Variants in RABGEF1 observed in about 807,000 individuals in gnomAD.
RABGEF1 encodes RAB guanine nucleotide exchange factor 1, also known as rab5 GDP/GTP exchange factor.
In RABGEF1, 26 loss-of-function variants were observed where a neutral mutation model predicts 57.3. That is an observed-to-expected ratio of 0.45 (90% CI 0.33 to 0.63). The LOEUF is 0.63. RABGEF1 is among the 20% of genes least tolerant of loss of function. The probability of loss-of-function intolerance (pLI) is 0.02; values close to 1 mark genes in which losing one functional copy is unlikely to be tolerated. For synonymous variants in RABGEF1, 185 were observed against 210.7 expected, an observed-to-expected ratio of 0.88 and a Z score of 1.06; for missense variants, 464 against 607.6, an observed-to-expected ratio of 0.76 and a Z score of 2.48.
intron 2 of RABGEF1, among the ~76,000 whole-genome samples, chr7:66,772,696 G>C (rs969864210): frequency 1.5e-4 from 23 of 152,156 alleles, no homozygotes; most frequent in Admixed American, 5.2e-4. Flanking sequence ...ATCATCTGAG[G>C]TCAGGAGTTC....
intron 1 of RABGEF1, among the ~76,000 whole-genome samples, chr7:66,746,787 C>A (rs1317882797): frequency 1.5e-5 from 2 of 129,842 alleles, no homozygotes; most frequent in Non-Finnish European, 3.5e-5. Flanking sequence ...CCACGTCCGG[C>A]TAATTTTTTT....
chr7:66,770,876 G>GT (rs2129107715), intron 1 of RABGEF1, among the ~76,000 whole-genome samples: 1 of 152,296 alleles, frequency 6.6e-6, no homozygotes, highest in Admixed American at 6.5e-5. Context: ...GATTAGTGAT[G>GT]TTGAGCATTT....
At chr7:66,735,985 T>C (rs1220053291), upstream of RABGEF1, among the ~76,000 whole-genome samples, 1 of 152,140 alleles carries the variant, frequency 6.6e-6, no homozygotes, top group East Asian at 1.9e-4. Context: ...ACATCAGCCT[T>C]ATTATTGAGT....
intron 2 of RABGEF1, among the ~76,000 whole-genome samples, chr7:66,721,167 C>G (rs147024154): frequency 0.12 from 18,193 of 152,176 alleles, 1,270 homozygotes; most frequent in East Asian, 0.2. Flanking sequence ...GATCTGCCGG[C>G]CTCGGCCTCC....
chr7:66,655,066 G>A, the RABGEF1 span, among the ~76,000 whole-genome samples: 3 of 152,196 alleles, frequency 2.0e-5, no homozygotes, highest in Admixed American at 6.5e-5. Flanking sequence ...GCCTAGCTGG[G>A]ACGCTCGGAC....
At chr7:66,705,443 AAGAG>A (rs57856916) in intron 1 of RABGEF1, among the ~76,000 whole-genome samples, 844 of 66,274 alleles carry the variant, frequency 0.013, 14 homozygotes, top group African/African-American at 0.048. Flanking sequence ...TCTCGAAAGA[AAGAG>A]AGAGAGAGAG....
the RABGEF1 span, among the ~76,000 whole-genome samples, chr7:66,665,558 A>G: frequency 2.0e-5 from 3 of 152,016 alleles, no homozygotes; most frequent in African/African-American, 7.2e-5. Flanking sequence ...TCCCAGGCCA[A>G]CCTCACCACC....
At chr7:66,747,755 A>G (rs1800577849) in intron 1 of RABGEF1, among the ~76,000 whole-genome samples, 1 of 152,232 alleles carries the variant, frequency 6.6e-6, no homozygotes, top group Admixed American at 6.5e-5. Context: ...GAAATTGAAC[A>G]TAGAAAATGT....
At chr7:66,757,435 T>C (rs1401208840) in intron 1 of RABGEF1, among the ~76,000 whole-genome samples, 1 of 152,244 alleles carries the variant, frequency 6.6e-6, no homozygotes, top group African/African-American at 2.4e-5. Flanking sequence ...TACATAGTCA[T>C]ATCTCTCATA....
chr7:66,733,390 T>C (rs1355250882), intron 2 of RABGEF1, among the ~76,000 whole-genome samples: 1 of 152,138 alleles, frequency 6.6e-6, no homozygotes, highest in Non-Finnish European at 1.5e-5. Context: ...TCTTAGCCTG[T>C]CTTCTCCACC....
At chr7:66,766,351 C>T (rs1481802045) in intron 1 of RABGEF1, among the ~76,000 whole-genome samples, 1 of 151,298 alleles carries the variant, frequency 6.6e-6, no homozygotes, top group Non-Finnish European at 1.5e-5. Flanking sequence ...GTCTCTGCCA[C>T]TTACTACCTT....
At chr7:66,685,248 G>T (rs569022279) in intron 1 of RABGEF1, among the ~76,000 whole-genome samples, 1 of 150,018 alleles carries the variant, frequency 6.7e-6, no homozygotes. Context: ...CCACCTCCTG[G>T]GTTCAAGTGA....
chr7:66,668,287 G>A, the RABGEF1 span, among the ~76,000 whole-genome samples: 307 of 152,190 alleles, frequency 2.0e-3, 1 homozygote, highest in Middle Eastern at 3.4e-3. Context: ...TTTAGAAATG[G>A]GGTCTGGCTA....
rs1554306667 is a variant in RABGEF1, at chr7:66,702,347, T to TGTG, written c.-872-9820_-872-9819insGTG. On this transcript the variant is annotated intron_variant and NMD_transcript_variant, in intron 1 of 9. Coordinates refer to the RABGEF1 transcript ENST00000607882. The stretch of plus-strand genomic sequence containing the variant: ...TTCCACCTTCTGGCTATTGTTTTGT[T>TGTG]TGTGTGTGTGTGTGTGTGTGTGTGT... 1.3e-4 allele frequency among the ~76,000 whole-genome samples: 19 copies of TGTG among 143,982 alleles called. No homozygotes were observed. The East Asian group carries it at 3.5e-3, about 26-fold the overall frequency. The allele number at this position is 143,982 out of a possible 152,430, so 94.5% of individuals were successfully genotyped here.
At chr7:66,743,848 C>T (rs1288865274) in intron 1 of RABGEF1, among the ~76,000 whole-genome samples, 1 of 151,984 alleles carries the variant, frequency 6.6e-6, no homozygotes, top group Non-Finnish European at 1.5e-5. Flanking sequence ...CCAGGGTGCT[C>T]TCCAACCCCT....
At chr7:66,769,730 A>G (rs1257697790) in intron 1 of RABGEF1, among the ~76,000 whole-genome samples, 1 of 152,216 alleles carries the variant, frequency 6.6e-6, no homozygotes, top group Non-Finnish European at 1.5e-5. Context: ...TAGAGATCTT[A>G]TCATGCTTTC....
chr7:66,809,989 AC>A lies in RABGEF1; in HGVS notation c.*706del, dbSNP rs1789232868. On this transcript the variant is annotated 3_prime_UTR_variant, in exon 9 of 9. Transcript: ENST00000284957. ...TAAGGTTCAGAATAAAGTTTAGGCC[AC>A]ATAAAATTGCTGTTTAATGTAGTCG... 6.6e-6 allele frequency: 1 copy of A among 152,456 alleles called. No homozygotes were observed. The highest frequency in any genetic ancestry group is 1.5e-5 in the Non-Finnish European group (1 of 68,034). The allele number at this position is 152,456 out of a possible 1,614,324, so 9.4% of individuals were successfully genotyped here.
intron 7 of RABGEF1, 41 bp downstream of exon 7, chr7:66,799,455 C>G: frequency 1.4e-6 from 2 of 1,470,576 alleles, no homozygotes; most frequent in Non-Finnish European, 1.9e-6. Flanking sequence ...ATGTTTTCCC[C>G]TTAAAGTTAA....
At chr7:66,715,549 T>G (rs1254683542) in intron 2 of RABGEF1, among the ~76,000 whole-genome samples, 5 of 152,256 alleles carry the variant, frequency 3.3e-5, no homozygotes, top group Non-Finnish European at 7.3e-5. Flanking sequence ...TCTACTTCCC[T>G]GGAGACTTCC....
Sources: gnomAD v4.1 joint callset for allele counts (sites outside exome capture counted in the v4.1 genomes callset) on GRCh38, gnomAD v4.1.1 for gene constraint, MANE v1.5 for transcripts, NCBI Gene and HGNC (gene_info 2026-07-23, HGNC 2026-07-21) for gene names.